MDGA2: variants seen among roughly 807,000 people sequenced by gnomAD.
MDGA2 encodes the protein MAM domain-containing glycosylphosphatidylinositol anchor protein 2.
MDGA2 carries 40 observed loss-of-function variants against 117.8 expected under a neutral mutation model. The ratio of observed to expected loss-of-function variants is 0.34; its 90% CI spans 0.26 to 0.44. The LOEUF (loss-of-function observed/expected upper bound fraction) is 0.44. Among genes scored for constraint, MDGA2 ranks in the 20% least tolerant of loss-of-function variants. The pLI, the probability that MDGA2 is intolerant of heterozygous loss-of-function variation, is 1.00. For missense variants in MDGA2, 1,123 were observed against 1,250.6 expected, an observed-to-expected ratio of 0.90 and a Z score of 1.54; for synonymous variants, 452 against 439.0, an observed-to-expected ratio of 1.03 and a Z score of -0.37.
At chr14:47,627,981 C>T (rs754769091) in intron 1 of MDGA2, among the ~76,000 whole-genome samples, 30 of 152,154 alleles carry the variant, frequency 2.0e-4, no homozygotes, top group Admixed American at 3.3e-4. Flanking sequence ...TGAGGGTCCG[C>T]GGCTTCATTC....
At chr14:47,024,575 C>T (rs1888406909) in intron 8 of MDGA2, among the ~76,000 whole-genome samples, 1 of 152,100 alleles carries the variant, frequency 6.6e-6, no homozygotes, top group South Asian at 2.1e-4. Context: ...AAAAGAAATG[C>T]TACTCAAGTT....
At chr14:47,330,625 C>A (rs944955361) in intron 1 of MDGA2, among the ~76,000 whole-genome samples, 2 of 151,826 alleles carry the variant, frequency 1.3e-5, no homozygotes, top group South Asian at 4.1e-4. Context: ...ATTCCCAAGT[C>A]AATTTCAATC....
intron 1 of MDGA2, among the ~76,000 whole-genome samples, chr14:47,662,704 C>T (rs536704762): frequency 3.3e-5 from 5 of 152,232 alleles, no homozygotes; most frequent in African/African-American, 1.2e-4. Flanking sequence ...AGTAAGCAGA[C>T]TCTGAGTAAC....
intron 3 of MDGA2, among the ~76,000 whole-genome samples, chr14:47,215,910 A>G (rs533113398): frequency 3.9e-5 from 6 of 152,306 alleles, no homozygotes; most frequent in African/African-American, 1.4e-4. Flanking sequence ...TCGAGGTTGC[A>G]TGAGAAAACC....
At chr14:46,845,525 C>T (rs976556900) in intron 16 of MDGA2, among the ~76,000 whole-genome samples, 1 of 152,082 alleles carries the variant, frequency 6.6e-6, no homozygotes, top group Non-Finnish European at 1.5e-5. Context: ...TCAAAGTGTA[C>T]TTGCCTTACG....
intron 15 of MDGA2, among the ~76,000 whole-genome samples, chr14:46,847,958 C>G (rs572678306): frequency 6.6e-6 from 1 of 151,950 alleles, no homozygotes; most frequent in African/African-American, 2.4e-5. Flanking sequence ...TGTCCCTTAC[C>G]TGATAGAGAG....
At chr14:47,049,115 AAGCCATG>A (rs1889363361) in intron 7 of MDGA2, among the ~76,000 whole-genome samples, 2 of 152,096 alleles carry the variant, frequency 1.3e-5, no homozygotes, top group Non-Finnish European at 2.9e-5. Context: ...ATTATTTAGA[AAGCCATG>A]GTAAAAGTGG....
At chr14:46,986,842 T>C (rs1886878224) in intron 8 of MDGA2, among the ~76,000 whole-genome samples, 1 of 152,118 alleles carries the variant, frequency 6.6e-6, no homozygotes, top group African/African-American at 2.4e-5. Flanking sequence ...TGTGTCTGAT[T>C]TTCTATCAGA....
At chr14:46,965,933 A>G (rs1368439472) in intron 8 of MDGA2, among the ~76,000 whole-genome samples, 1 of 152,102 alleles carries the variant, frequency 6.6e-6, no homozygotes, top group Non-Finnish European at 1.5e-5. Context: ...TAAAAGTAGG[A>G]TTTCTTAAGA....
chr14:47,245,552 G>A (rs1161407047), intron 2 of MDGA2, among the ~76,000 whole-genome samples: 2 of 151,494 alleles, frequency 1.3e-5, no homozygotes, highest in African/African-American at 2.4e-5. Context: ...GTAGAATAAA[G>A]GACTTCAAAG....
intron 14 of MDGA2, among the ~76,000 whole-genome samples, chr14:46,868,322 CAAAT>C (rs1283115033): frequency 1.3e-5 from 2 of 151,928 alleles, no homozygotes; most frequent in African/African-American, 4.8e-5. Context: ...ATTAGATAAA[CAAAT>C]ATTTATTAAT....
At chr14:47,224,445 G>A (rs577558676) in intron 2 of MDGA2, among the ~76,000 whole-genome samples, 30 of 152,228 alleles carry the variant, frequency 2.0e-4, no homozygotes, top group African/African-American at 5.3e-4. Context: ...AATCCAAAAA[G>A]TATATTGTGT....
chr14:47,225,822 TA>T (rs34793510), intron 2 of MDGA2, among the ~76,000 whole-genome samples: 4 of 150,808 alleles, frequency 2.7e-5, no homozygotes, highest in East Asian at 2.0e-4. Flanking sequence ...TAATAATAAA[TA>T]AAAAAAAACC....
intron 2 of MDGA2, among the ~76,000 whole-genome samples, chr14:47,233,096 A>G (rs1428340655): frequency 1.3e-5 from 2 of 152,186 alleles, no homozygotes; most frequent in Non-Finnish European, 2.9e-5. Context: ...TTACACTTTA[A>G]TAAATAACTT....
intron 1 of MDGA2, among the ~76,000 whole-genome samples, chr14:47,608,201 A>G (rs539498197): frequency 6.6e-6 from 1 of 152,206 alleles, no homozygotes; most frequent in South Asian, 2.1e-4. Flanking sequence ...ATCATTTCTC[A>G]TAGACACTGG....
chr14:47,339,966 C>G (rs952154213), intron 1 of MDGA2, among the ~76,000 whole-genome samples: 3 of 152,074 alleles, frequency 2.0e-5, no homozygotes, highest in Non-Finnish European at 4.4e-5. Flanking sequence ...TCAACAAATT[C>G]AGACTTACAT....
chr14:47,035,678 T>C (rs1405992407), intron 7 of MDGA2, among the ~76,000 whole-genome samples: 2 of 151,854 alleles, frequency 1.3e-5, no homozygotes, highest in African/African-American at 4.8e-5. Context: ...GTGCAAGTAG[T>C]CAGAAAGGGA....
chr14:47,096,313 A>G (rs1161233003), intron 6 of MDGA2, among the ~76,000 whole-genome samples: 2 of 151,958 alleles, frequency 1.3e-5, no homozygotes, highest in Non-Finnish European at 2.9e-5. Flanking sequence ...TTTAATTTCT[A>G]TATCTTTTGT....
chr14:47,198,136 GT>G (rs1188174500), intron 3 of MDGA2, among the ~76,000 whole-genome samples: 3 of 152,060 alleles, frequency 2.0e-5, no homozygotes, highest in African/African-American at 7.2e-5. Context: ...TAAGTGTATT[GT>G]CTTCATACAT....
Sources: gnomAD v4.1 joint callset for allele counts (sites outside exome capture counted in the v4.1 genomes callset) on GRCh38, gnomAD v4.1.1 for gene constraint, MANE v1.5 for transcripts, NCBI Gene and HGNC (gene_info 2026-07-23, HGNC 2026-07-21) for gene names.